SOS1: variants seen among roughly 807,000 people sequenced by gnomAD.
SOS1 encodes the protein son of sevenless homolog 1.
A neutral mutation model predicts 157.6 loss-of-function variants in SOS1; 25 were observed. The observed-to-expected ratio is 0.16, with a 90% CI of 0.12 to 0.22. SOS1 has a LOEUF of 0.22. Ranked by LOEUF, SOS1 falls within the 10% of genes least tolerant of loss-of-function variation. SOS1 has a pLI of 1.00. For synonymous variants in SOS1, 528 were observed against 534.0 expected, an observed-to-expected ratio of 0.99 and a Z score of 0.16; for missense variants, 1,237 against 1,599.1, an observed-to-expected ratio of 0.77 and a Z score of 3.86.
intron 21 of SOS1, 80 bp from the exon 22 acceptor site, chr2:38,987,671 A>G (rs1668596934): frequency 1.3e-6 from 1 of 754,512 alleles, no homozygotes; most frequent in Non-Finnish European, 2.4e-6. Flanking sequence ...TTAGCTGGAA[A>G]TTGCTTATAA....
intron 4 of SOS1, among the ~76,000 whole-genome samples, chr2:39,055,090 A>G (rs929886207): frequency 2.6e-5 from 4 of 151,906 alleles, no homozygotes; most frequent in African/African-American, 7.3e-5. Flanking sequence ...ATTACTTCCA[A>G]TTTGTTTCCA....
At chr2:39,002,836 A>G (rs1669148889) in intron 17 of SOS1, among the ~76,000 whole-genome samples, 4 of 152,096 alleles carry the variant, frequency 2.6e-5, no homozygotes, top group Admixed American at 2.6e-4. Flanking sequence ...AGGCCAAGGC[A>G]GGTGGATCTC....
chr2:39,053,023 C>T (rs546593078), intron 5 of SOS1, among the ~76,000 whole-genome samples: 2 of 152,196 alleles, frequency 1.3e-5, no homozygotes, highest in South Asian at 2.1e-4. Context: ...CGTGGTGGCA[C>T]ACACCTGTAA....
At chr2:39,086,434 T>C (rs1272254352) in intron 1 of SOS1, among the ~76,000 whole-genome samples, 1 of 152,222 alleles carries the variant, frequency 6.6e-6, no homozygotes, top group African/African-American at 2.4e-5. Context: ...TCAAGAGTTC[T>C]GGACTCCATT....
intron 1 of SOS1, among the ~76,000 whole-genome samples, chr2:39,081,520 G>C (rs548067283): frequency 1.0e-3 from 151 of 151,236 alleles, no homozygotes; most frequent in Non-Finnish European, 1.4e-3. Flanking sequence ...ACTGTCCTCG[G>C]TAAAAAAAAG....
chr2:39,023,217 G>A lies in SOS1; in HGVS notation c.1211C>T (p.Ala404Val). The A allele has an allele frequency of 6.2e-7, 1 of 1,611,770 alleles. No individual in the cohort carries two copies. The highest frequency in any genetic ancestry group is 8.5e-7 in the Non-Finnish European group (1 of 1,178,402). The change falls in exon 10 of 23, where the codon GCA (alanine) becomes GTA (valine). Residue 404 changes from alanine to valine, a missense_variant. By Grantham distance (64) the Ala-to-Val change is moderately conservative (BLOSUM62 0). Transcript: ENST00000402219. ...CATTTGCTGACTATAAAACCGACAT[G>A]CAGATTCACTGGAATAAAGAAAAAG... ...SLAKRRLSES[A>V]CRFYSQQMKG...
chr2:39,045,734 G>A (rs1473325499), intron 6 of SOS1, among the ~76,000 whole-genome samples: 1 of 152,068 alleles, frequency 6.6e-6, no homozygotes, highest in African/African-American at 2.4e-5. Context: ...TTTTGAGACG[G>A]AGTCTTGCTC....
At chr2:39,035,367 T>A in intron 7 of SOS1, 23 bp downstream of exon 7, 1 of 1,600,074 alleles carries the variant, frequency 6.2e-7, no homozygotes, top group Non-Finnish European at 8.6e-7. Context: ...ACATTGTACA[T>A]CTTCATTTAA....
chr2:39,024,550 T>C (rs1370263540), intron 8 of SOS1, among the ~76,000 whole-genome samples: 3 of 151,980 alleles, frequency 2.0e-5, no homozygotes, highest in East Asian at 1.9e-4. Context: ...TTATATAATA[T>C]TGAGATGATA....
chr2:39,007,090 G>A lies in SOS1; in HGVS notation c.2614C>T (p.Leu872Phe). ...GAATTCATAGCACTGACAACCTCAA[G>A]GACACCATTAAAGTTGTTCAACTCT... ...FQELNNFNGV[L>F]EVVSAMNSSP... The change falls in exon 16 of 23, where the codon CTT becomes TTT. Residue 872 changes from leucine (L) to phenylalanine (F), a missense_variant. Transcript: ENST00000402219. 6.2e-7 allele frequency: 1 copy of A among 1,608,726 alleles called. No homozygotes were observed. Among genetic ancestry groups the A allele is most frequent in the Non-Finnish European group, 8.5e-7 (1 of 1,175,300 alleles).
At chr2:39,079,734 C>G (rs1433719318) in intron 1 of SOS1, among the ~76,000 whole-genome samples, 2 of 152,110 alleles carry the variant, frequency 1.3e-5, no homozygotes, top group African/African-American at 4.8e-5. Flanking sequence ...ACCTCGTGAT[C>G]TGCCCACCTT....
intron 1 of SOS1, among the ~76,000 whole-genome samples, chr2:39,107,950 G>C (rs905257627): frequency 2.6e-5 from 4 of 152,080 alleles, no homozygotes; most frequent in African/African-American, 9.7e-5. Flanking sequence ...TCCACGCTTG[G>C]ATATCTGCCA....
upstream of SOS1, among the ~76,000 whole-genome samples, chr2:39,123,234 C>G (rs1458946465): frequency 6.6e-6 from 1 of 152,112 alleles, no homozygotes; most frequent in Non-Finnish European, 1.5e-5. Context: ...CTGTGTATTT[C>G]TACCTTATGT....
chr2:38,987,276 G>A (rs892725089), intron 22 of SOS1, among the ~76,000 whole-genome samples, 197 bp downstream of exon 22: 6 of 152,072 alleles, frequency 3.9e-5, no homozygotes, highest in African/African-American at 7.2e-5. Context: ...CAAGGGTCTT[G>A]AATGCATACC....
At chr2:39,088,649 A>G (rs146229310) in intron 1 of SOS1, among the ~76,000 whole-genome samples, 130 of 152,342 alleles carry the variant, frequency 8.5e-4, no homozygotes, top group African/African-American at 3.1e-3. Flanking sequence ...CTGCAGCATC[A>G]GAATTCTATT....
chr2:39,034,176 C>T (rs1011858132), intron 8 of SOS1, among the ~76,000 whole-genome samples: 3 of 152,118 alleles, frequency 2.0e-5, no homozygotes, highest in Non-Finnish European at 4.4e-5. Context: ...CTTTTAACTC[C>T]CTTAGTCCTT....
At chr2:39,031,098 G>T (rs1670144399) in intron 8 of SOS1, among the ~76,000 whole-genome samples, 1 of 152,148 alleles carries the variant, frequency 6.6e-6, no homozygotes, top group South Asian at 2.1e-4. Context: ...CCAGAACTGT[G>T]AAAGAATAAA....
chr2:39,102,455 C>T (rs1673005486), intron 1 of SOS1, among the ~76,000 whole-genome samples: 1 of 129,930 alleles, frequency 7.7e-6, no homozygotes, highest in Non-Finnish European at 1.5e-5. Context: ...CACTAAAACC[C>T]AGGAGGCCAA....
At chr2:39,119,869 A>C (rs1424120876) in intron 1 of SOS1, among the ~76,000 whole-genome samples, 2 of 152,214 alleles carry the variant, frequency 1.3e-5, no homozygotes, top group Admixed American at 1.3e-4. Context: ...AGAGCAGGCC[A>C]CGTTCCTACT....
Sources: gnomAD v4.1 joint callset for allele counts (sites outside exome capture counted in the v4.1 genomes callset) on GRCh38, gnomAD v4.1.1 for gene constraint, MANE v1.5 for transcripts, NCBI Gene and HGNC (gene_info 2026-07-23, HGNC 2026-07-21) for gene names.